The following FANCA variants were observed in gnomAD, a reference collection of about 807,000 sequenced individuals.
The protein encoded by FANCA is Fanconi anemia group A protein.
In FANCA, 236 loss-of-function variants were observed where a neutral mutation model predicts 194.3. The ratio of observed to expected loss-of-function variants is 1.21; its 90% CI spans 1.09 to 1.35. The LOEUF (loss-of-function observed/expected upper bound fraction) is 1.35. FANCA is among the 40% of genes most tolerant of loss of function. The pLI is 0.00. For synonymous variants in FANCA, 1,014 were observed against 715.8 expected (o/e 1.42, Z -6.65); for missense variants, 2,628 against 1,813.9 (o/e 1.45, Z -8.15).
At chr16:89,804,070 A>G (rs552089936) in intron 7 of FANCA, among the ~76,000 whole-genome samples, 1 of 152,144 alleles carries the variant, frequency 6.6e-6, no homozygotes, top group Non-Finnish European at 1.5e-5. Context: ...TTAGCTTTTT[A>G]AAAAATAAGA....
chr16:89,779,660 C>T (rs771166100), intron 18 of FANCA, among the ~76,000 whole-genome samples: 1 of 152,246 alleles, frequency 6.6e-6, no homozygotes, highest in African/African-American at 2.4e-5. Flanking sequence ...TGACTCCTGT[C>T]TCTCTCTGAA....
chr16:89,769,284 G>T (rs557446166), intron 26 of FANCA, among the ~76,000 whole-genome samples: 18 of 152,318 alleles, frequency 1.2e-4, no homozygotes, highest in African/African-American at 4.3e-4. Flanking sequence ...CCTGGCTTCC[G>T]CCTCTGAGTG....
chr16:89,803,738 C>T (rs2040539001), intron 7 of FANCA, among the ~76,000 whole-genome samples: 1 of 151,456 alleles, frequency 6.6e-6, no homozygotes, highest in African/African-American at 2.4e-5. Context: ...TTCTCTGCCT[C>T]AGCCTCACCA....
intron 15 of FANCA, among the ~76,000 whole-genome samples, chr16:89,784,269 C>T (rs60828994): frequency 1.3e-5 from 2 of 151,478 alleles, no homozygotes; most frequent in Non-Finnish European, 2.9e-5. Flanking sequence ...CTACTCAGGA[C>T]GCTGAGGTGG....
At chr16:89,779,995 G>C (rs1004211334) in intron 17 of FANCA, 38 bp from the exon 18 acceptor site, 6 of 1,582,948 alleles carry the variant, frequency 3.8e-6, no homozygotes, top group Non-Finnish European at 5.2e-6. Flanking sequence ...AAAGAACAGA[G>C]GACTTTAAAG....
intron 39 of FANCA, 124 bp downstream of exon 39, chr16:89,739,870 C>T (rs779935085): frequency 5.0e-5 from 77 of 1,546,520 alleles, no homozygotes; most frequent in Non-Finnish European, 6.5e-5. Context: ...TCTGTCCCAA[C>T]TAAAATGGAG....
At chr16:89,812,784 C>G (rs895281911) in intron 3 of FANCA, among the ~76,000 whole-genome samples, 21 of 151,836 alleles carry the variant, frequency 1.4e-4, no homozygotes, top group Non-Finnish European at 2.9e-4. Flanking sequence ...CCTGTAATCC[C>G]AACACTGCAG....
At chr16:89,810,503 A>T in intron 5 of FANCA, 1 of 583,086 alleles carries the variant, frequency 1.7e-6, no homozygotes, top group Non-Finnish European at 3.0e-6. Context: ...TACTAATGAT[A>T]GGTGAATAGG....
Position 89,767,770 on chromosome 16 carries a change from G to T in FANCA, c.2505-533C>A, listed in dbSNP as rs529300171. 1.5e-4 allele frequency among the ~76,000 whole-genome samples: 23 copies of T among 152,144 alleles called. 1 individual carries two copies. The East Asian group carries it at 4.1e-3, about 27-fold the overall frequency. ...TCACCGTGTTAGCGAGGATGGTCTC[G>T]ATCTCCTGACTTCGTGCTCCGCCCA... On this transcript the variant is annotated intron_variant, in intron 26 of 42. Coordinates refer to ENST00000389301, the MANE Select transcript of FANCA (RefSeq NM_000135.4).
chr16:89,816,198 G>C (rs1399843436), intron 1 of FANCA: 1 of 570,024 alleles, frequency 1.8e-6, no homozygotes, highest in Non-Finnish European at 3.2e-6. Flanking sequence ...GCCCGAGGCA[G>C]GGGAGCCCGG....
intron 20 of FANCA, among the ~76,000 whole-genome samples, chr16:89,777,002 A>AAG (rs1271381577): frequency 2.6e-5 from 4 of 151,790 alleles, no homozygotes; most frequent in Admixed American, 6.6e-5. Context: ...ATTTGAGGCC[A>AAG]AGAGAGAGAG....
intron 21 of FANCA, among the ~76,000 whole-genome samples, chr16:89,774,612 C>A (rs904879953): frequency 2.6e-5 from 4 of 151,340 alleles, no homozygotes; most frequent in Admixed American, 1.3e-4. Flanking sequence ...CGCCTGTAGT[C>A]CCAGCCACTC....
chr16:89,740,765 A>C, intron 38 of FANCA, 39 bp downstream of exon 38: 2 of 1,589,098 alleles, frequency 1.3e-6, no homozygotes, highest in Non-Finnish European at 1.7e-6. Context: ...CCTGGCCCAC[A>C]GTGGGAGAGG....
chr16:89,738,527 A>C lies in FANCA; in HGVS notation c.*74T>G. The stretch of plus-strand genomic sequence containing the variant: ...AGATTTGTAATCCACTTTTTAGTGC[A>C]ACAAGAGCTCCATGTTATGCTTGTA... On this transcript the variant is annotated 3_prime_UTR_variant, in exon 43 of 43. Coordinates refer to ENST00000389301, the MANE Select transcript of FANCA (RefSeq NM_000135.4). The C allele has an allele frequency of 1.2e-6, 2 of 1,604,522 alleles. No individual in the cohort carries two copies. Among genetic ancestry groups the C allele is most frequent in the Non-Finnish European group, 1.7e-6 (2 of 1,173,896 alleles).
In FANCA at chr16:89,749,710, C is replaced by G. The variant is rs755548646; in HGVS notation, c.3239+20G>C. ...CCTGCCCAGGTGGTGCTGCCCTGCC[C>G]AGGTGGTAGTAGGTGTTACCGTTTG... On this transcript the variant is annotated intron_variant, in intron 32 of 42. Coordinates refer to ENST00000389301, the MANE Select transcript of FANCA (RefSeq NM_000135.4). 64 of 1,610,388 alleles carry G rather than the reference C, an allele frequency of 4.0e-5. 1 individual carries two copies. The South Asian group carries it at 6.8e-4, about 17-fold the overall frequency.
Position 89,766,273 on chromosome 16 carries a change from G to T in FANCA, c.2601+868C>A, listed in dbSNP as rs553903261. The stretch of plus-strand genomic sequence containing the variant: ...GCCTCCCAAAGTGTTGGGATTACAG[G>T]CATGAGCCACCACGCCCAGCCTGAA... On this transcript the variant is annotated intron_variant, in intron 27 of 42. Transcript: ENST00000389301. 2.0e-5 allele frequency among the ~76,000 whole-genome samples: 3 copies of T among 151,974 alleles called. 1 individual carries two copies. The East Asian group carries it at 5.8e-4, about 30-fold the overall frequency.
chr16:89,737,906 G>C lies in FANCA; in HGVS notation c.*695C>G. ...GACATTCGGGAGCCAAGCCTTTGCA[G>C]TAAGTGTGAGTCAGGACCCCCTCCC... On this transcript the variant is annotated 3_prime_UTR_variant, in exon 43 of 43. Transcript: ENST00000389301. 1 of 1,594,468 alleles carries C rather than the reference G, an allele frequency of 6.3e-7. No individual in the cohort carries two copies.
At chr16:89,738,817 A>G (rs2151710402) in intron 42 of FANCA, 65 bp downstream of exon 42, 1 of 1,614,022 alleles carries the variant, frequency 6.2e-7, no homozygotes, top group Non-Finnish European at 8.5e-7. Context: ...AGGCAGGCAC[A>G]TGGCCCAGGC....
At chr16:89,781,215 T>C (rs1038050554) in intron 17 of FANCA, among the ~76,000 whole-genome samples, 1 of 137,754 alleles carries the variant, frequency 7.3e-6, no homozygotes, top group African/African-American at 2.8e-5. Context: ...ACACACAAAA[T>C]TAGCCTGACG....
Sources: allele counts gnomAD v4.1 joint callset (sites outside exome capture counted in the v4.1 genomes callset), GRCh38; gene constraint gnomAD v4.1.1; transcripts MANE v1.5; gene names NCBI Gene and HGNC (gene_info 2026-07-23, HGNC 2026-07-21).